SNX25: variants seen among roughly 807,000 people sequenced by gnomAD.
SNX25 encodes sorting nexin 25.
Under a neutral mutation model 113.7 loss-of-function variants are expected in SNX25, and 62 were observed. That is an observed-to-expected ratio of 0.55 (90% CI 0.44 to 0.67). The LOEUF is 0.67. Among genes scored for constraint, SNX25 ranks in the 30% least tolerant of loss-of-function variants. The pLI is 0.00. For missense variants in SNX25, 1,014 were observed against 1,161.0 expected, an observed-to-expected ratio of 0.87 and a Z score of 1.84; for synonymous variants, 421 against 436.2, an observed-to-expected ratio of 0.97 and a Z score of 0.43.
At chr4:185,243,670 C>G (rs1312737313) in intron 1 of SNX25, among the ~76,000 whole-genome samples, 3 of 152,114 alleles carry the variant, frequency 2.0e-5, no homozygotes, top group African/African-American at 7.2e-5. Flanking sequence ...TCCCCTTCCC[C>G]TAGCTCTTAG....
chr4:185,282,158 C>T (rs1353741009), intron 5 of SNX25, among the ~76,000 whole-genome samples: 3 of 152,040 alleles, frequency 2.0e-5, no homozygotes, highest in Non-Finnish European at 4.4e-5. Flanking sequence ...TAAGGTTTGG[C>T]CAGCCTTTGA....
intron 13 of SNX25, 88 bp downstream of exon 13, chr4:185,346,738 T>A (rs2095288901): frequency 1.2e-6 from 1 of 869,270 alleles, no homozygotes; most frequent in African/African-American, 1.8e-5. Context: ...GGTAGTTTGC[T>A]TTTTGTTCTC....
chr4:185,339,936 T>A (rs1188821871), intron 11 of SNX25, among the ~76,000 whole-genome samples: 1 of 152,258 alleles, frequency 6.6e-6, no homozygotes, highest in African/African-American at 2.4e-5. Flanking sequence ...ATGAATATGT[T>A]TTTTGAATTA....
intron 2 of SNX25, among the ~76,000 whole-genome samples, chr4:185,253,588 C>G (rs1745982041): frequency 6.6e-6 from 1 of 152,038 alleles, no homozygotes; most frequent in Non-Finnish European, 1.5e-5. Flanking sequence ...GTGCCTCAGC[C>G]TCCCGAGTTG....
At chr4:185,296,190 C>T (rs1026256794) in intron 6 of SNX25, among the ~76,000 whole-genome samples, 5 of 152,216 alleles carry the variant, frequency 3.3e-5, no homozygotes, top group East Asian at 3.9e-4. Flanking sequence ...CTGGCCTTGT[C>T]GTCTCCTACA....
At chr4:185,212,307 T>G (rs1737953660) in intron 1 of SNX25, among the ~76,000 whole-genome samples, 1 of 148,906 alleles carries the variant, frequency 6.7e-6, no homozygotes, top group Admixed American at 6.7e-5. Context: ...AAAAAAAATT[T>G]TTTTTTAAAT....
downstream of SNX25, chr4:185,370,985 G>A (rs1037796546): frequency 1.7e-6 from 1 of 593,802 alleles, no homozygotes; most frequent in Non-Finnish European, 2.9e-6. Context: ...CATACCAGGA[G>A]AAGATGAGCT....
chr4:185,227,090 G>A lies in SNX25; in HGVS notation c.429+16835G>A, dbSNP rs192926263. ...TATCAGTTTTAGGCACCACAGCCAC[G>A]CAGGATGATACCCAGAAGAAGAAAG... On this transcript the variant is annotated intron_variant, in intron 1 of 18. Coordinates refer to ENST00000652585, the MANE Select transcript of SNX25 (RefSeq NM_001378034.2). 1.5e-3 allele frequency among the ~76,000 whole-genome samples: 226 copies of A among 152,304 alleles called. 2 individuals carry two copies. The highest frequency in any genetic ancestry group is 4.4e-3 in the African/African-American group (182 of 41,572).
At chr4:185,322,676 A>G (rs1233966563) in intron 8 of SNX25, among the ~76,000 whole-genome samples, 1 of 152,188 alleles carries the variant, frequency 6.6e-6, no homozygotes, top group Non-Finnish European at 1.5e-5. Flanking sequence ...TTTTGACTCC[A>G]CATAACTTCT....
In SNX25 at chr4:185,210,519, C is replaced by T. The variant is rs1330006560; in HGVS notation, c.429+264C>T. 1.3e-5 allele frequency among the ~76,000 whole-genome samples: 2 copies of T among 152,222 alleles called. No homozygotes were observed. Among genetic ancestry groups the T allele is most frequent in the Non-Finnish European group, 2.9e-5 (2 of 68,032 alleles). On this transcript the variant is annotated intron_variant, in intron 1 of 18. Coordinates refer to ENST00000652585, the MANE Select transcript of SNX25 (RefSeq NM_001378034.2). This position sits in a 1 kb window ranked among gnomAD's most constrained non-coding sequence, Gnocchi z 4.4. Reference sequence around the variant, plus strand: ...CTGGGCTCTGTAGTCACTCGACAACCATCCTCAGTCACAACCCTAAGGGTG... The same window carrying T: ...CTGGGCTCTGTAGTCACTCGACAACTATCCTCAGTCACAACCCTAAGGGTG...
intron 1 of SNX25, among the ~76,000 whole-genome samples, chr4:185,222,360 C>G (rs1740082822): frequency 6.7e-6 from 1 of 150,084 alleles, no homozygotes; most frequent in African/African-American, 2.5e-5. Flanking sequence ...GGCAGGTATT[C>G]AGTGCCATAT....
chr4:185,353,261 A>C (rs2095324304), intron 14 of SNX25: 1 of 426,082 alleles, frequency 2.3e-6, no homozygotes, highest in Non-Finnish European at 4.2e-6. Context: ...ACAGCGACAG[A>C]TTTTTTTTTA....
In SNX25 at chr4:185,302,091, G is replaced by GTTT. The variant is rs1233693832; in HGVS notation, c.1163-8538_1163-8536dup. On this transcript the variant is annotated intron_variant, in intron 6 of 18. Transcript: ENST00000652585. Reference sequence around the variant, plus strand: ...ATTTTTGTATATTTTGTGTGTGTGTGTTTTTTTTGTTTTTTTTTTTTTTTA... The same window carrying GTTT: ...ATTTTTGTATATTTTGTGTGTGTGTGTTTTTTTTTTTGTTTTTTTTTTTTTTTA... 5.8e-3 allele frequency among the ~76,000 whole-genome samples: 627 copies of GTTT among 108,228 alleles called. 7 individuals carry two copies. The highest frequency in any genetic ancestry group is 0.049 in the South Asian group (133 of 2,722). The allele number at this position is 108,228 out of a possible 152,430, so 71.0% of individuals were successfully genotyped here. A position where few individuals can be genotyped will look rare whatever the true frequency, so the allele number is the denominator to read the frequency against.
chr4:185,320,855 T>C lies in SNX25; in HGVS notation c.1467T>C (p.Asn489=). 1 of 1,600,932 alleles carries C rather than the reference T, an allele frequency of 6.2e-7. No individual in the cohort carries two copies. The highest frequency in any genetic ancestry group is 8.5e-7 in the Non-Finnish European group (1 of 1,175,316). ...GGGAATCTGTGGAACATTTAAAGAA[T>C]GCTAACAAGGTAGTATATGTAGGCT... The part of the protein sequence containing the change: ...SFWESVEHLK[N]ANKNEIPQLV... The change falls in exon 8 of 19, where the codon AAT becomes AAC. Residue 489 remains asparagine, a synonymous_variant. Coordinates refer to ENST00000652585, the MANE Select transcript of SNX25 (RefSeq NM_001378034.2).
intron 1 of SNX25, among the ~76,000 whole-genome samples, chr4:185,240,426 CG>C (rs1419830562): frequency 7.4e-6 from 1 of 135,916 alleles, no homozygotes; most frequent in Non-Finnish European, 1.6e-5. Context: ...CCGGATGGGG[CG>C]GCTGGCCGGG....
At chr4:185,222,520 G>A (rs964947606) in intron 1 of SNX25, among the ~76,000 whole-genome samples, 18 of 151,806 alleles carry the variant, frequency 1.2e-4, no homozygotes, top group East Asian at 3.9e-4. Context: ...CCTCCCTCGC[G>A]GTAGGTATAC....
chr4:185,279,634 A>G (rs769336526), intron 5 of SNX25, among the ~76,000 whole-genome samples: 2 of 152,144 alleles, frequency 1.3e-5, no homozygotes, highest in Non-Finnish European at 2.9e-5. Context: ...CTAAAATGAG[A>G]TATTTTTTCT....
intron 1 of SNX25, among the ~76,000 whole-genome samples, chr4:185,241,918 G>T (rs1339123596): frequency 6.6e-6 from 1 of 152,072 alleles, no homozygotes; most frequent in Middle Eastern, 3.2e-3. Flanking sequence ...CCTATAAATA[G>T]GAGAATGAAG....
At chr4:185,360,044 C>T (rs770402309) in intron 16 of SNX25, among the ~76,000 whole-genome samples, 11 of 152,322 alleles carry the variant, frequency 7.2e-5, no homozygotes, top group Middle Eastern at 3.4e-3. Flanking sequence ...TACAATTTCA[C>T]ATGCTAGAAT....
Sources: gnomAD v4.1 joint callset for allele counts (sites outside exome capture counted in the v4.1 genomes callset) on GRCh38, gnomAD v4.1.1 for gene constraint, Gnocchi (gnomAD v3.1) non-coding constraint, MANE v1.5 for transcripts, NCBI Gene and HGNC (gene_info 2026-07-23, HGNC 2026-07-21) for gene names.